The following UTP23 variants were observed in gnomAD, a reference collection of about 807,000 sequenced individuals.
The protein encoded by UTP23 is rRNA-processing protein UTP23 homolog.
A neutral mutation model predicts 19.8 loss-of-function variants in UTP23; 10 were observed. That is an observed-to-expected ratio of 0.50 (90% confidence interval 0.31 to 0.86). The LOEUF (loss-of-function observed/expected upper bound fraction) is 0.86, where lower values mean the gene tolerates loss of function less well. UTP23 is among the 40% of genes least tolerant of loss of function. The probability of loss-of-function intolerance (pLI) is 0.05; values close to 1 mark genes in which losing one functional copy is unlikely to be tolerated. For synonymous variants in UTP23, 108 were observed against 105.4 expected, an observed-to-expected ratio of 1.02 and a Z score of -0.15; for missense variants, 282 against 293.1, an observed-to-expected ratio of 0.96 and a Z score of 0.28.
rs189125081 is a variant in UTP23 at position 116,771,202 on chromosome 8, A to G, written c.364-254A>G. On this transcript the variant is annotated intron_variant, in intron 2 of 2. Transcript: ENST00000309822. The stretch of plus-strand genomic sequence containing the variant: ...ACCCACCTAACACATTTACCTTTGC[A>G]TTAGTTTGTAATTTGTGGCTCTAGA... Among the ~76,000 whole-genome samples, 8 of 152,298 alleles carry G rather than the reference A, an allele frequency of 5.3e-5. No individual in the cohort carries two copies. The East Asian group carries it at 1.2e-3, about 22-fold the overall frequency.
At chr8:116,770,669 A>G (rs971828718) in intron 2 of UTP23, 1 of 204,704 alleles carries the variant, frequency 4.9e-6, no homozygotes, top group Non-Finnish European at 9.9e-6. Context: ...CTGGTCTCGA[A>G]CCCCTAGGCT....
At chr8:116,771,195 C>T (rs935028408) in intron 2 of UTP23, among the ~76,000 whole-genome samples, 3 of 152,170 alleles carry the variant, frequency 2.0e-5, no homozygotes, top group African/African-American at 7.2e-5. Flanking sequence ...AACACATTTA[C>T]CTTTGCATTA....
rs1815667033 is a variant in UTP23, at chr8:116,772,217, T to G, written c.*375T>G. The stretch of plus-strand genomic sequence containing the variant: ...TAAAAACAGTGAATGGGTGTAGGTG[T>G]GATGGAATTCACTTTACTTACTAAA... On this transcript the variant is annotated 3_prime_UTR_variant, in exon 3 of 3. Transcript: ENST00000309822. 1.0e-6 allele frequency: 1 copy of G among 989,760 alleles called. No individual in the cohort carries two copies. The highest frequency in any genetic ancestry group is 1.7e-5 in the African/African-American group (1 of 57,346). The allele number at this position is 989,760 out of a possible 1,614,324, so 61.3% of individuals were successfully genotyped here.
Position 116,770,231 on chromosome 8 carries a change from A to C in UTP23, c.228A>C (p.Leu76Phe). The change falls in exon 2 of 3, where the codon TTA (leucine) becomes TTC (phenylalanine). Residue 76 changes from leucine (L) to phenylalanine (F), a missense_variant. Coordinates refer to ENST00000309822, the MANE Select transcript of UTP23 (RefSeq NM_032334.3). ...LKELETLGKDLYGAKLIAQKC... is the reference protein window; with the variant it reads ...LKELETLGKDFYGAKLIAQKC... Reference sequence around the variant, plus strand: ...AGCTAGAAACATTGGGAAAGGACTTATATGGGGCAAAACTGATTGCACAAA... The same window carrying C: ...AGCTAGAAACATTGGGAAAGGACTTCTATGGGGCAAAACTGATTGCACAAA... 4 of 1,613,732 alleles carry C rather than the reference A, an allele frequency of 2.5e-6. No individual in the cohort carries two copies. Among genetic ancestry groups the C allele is most frequent in the Non-Finnish European group, 3.4e-6 (4 of 1,179,712 alleles).
chr8:116,770,399 C>T, intron 2 of UTP23, 33 bp downstream of exon 2: 1 of 1,567,952 alleles, frequency 6.4e-7, no homozygotes, highest in South Asian at 1.2e-5. Flanking sequence ...AGGCAATTTT[C>T]ACCATTTCTA....
In UTP23 at chr8:116,766,528, T is replaced by C; in HGVS notation, c.-76T>C. ...GCTTCATTTCCGGGTGAAACTGGCA[T>C]TGAGGGTACTGGGGCGTGCGTGAGG... is the stretch of plus-strand genomic sequence containing the variant. On this transcript the variant is annotated 5_prime_UTR_variant, in exon 1 of 3. Coordinates refer to ENST00000309822, the MANE Select transcript of UTP23 (RefSeq NM_032334.3). 6.8e-7 allele frequency: 1 copy of C among 1,461,134 alleles called. No individual in the cohort carries two copies. The highest frequency in any genetic ancestry group is 9.2e-7 in the Non-Finnish European group (1 of 1,091,716). 90.5% of individuals were successfully genotyped at this position (1,461,134 alleles called of 1,614,324 possible).
chr8:116,772,932 G>T lies in UTP23; in HGVS notation c.*1090G>T. On this transcript the variant is annotated 3_prime_UTR_variant, in exon 3 of 3. Transcript: ENST00000309822. ...TCGTATCAGTAGTTCCTGACTGACA[G>T]CTTCTGGAGCCACACTAGAGCAGTG... The T allele has an allele frequency of 1.0e-5, 10 of 985,394 alleles. No individual in the cohort carries two copies. Among genetic ancestry groups the T allele is most frequent in the Non-Finnish European group, 9.6e-6 (8 of 829,912 alleles). The allele number at this position is 985,394 out of a possible 1,614,324, so 61.0% of individuals were successfully genotyped here.
Position 116,771,775 on chromosome 8 carries a change from G to T in UTP23, c.683G>T (p.Arg228Ile), listed in dbSNP as rs200688111. The T allele has an allele frequency of 2.5e-6, 4 of 1,605,412 alleles. No homozygotes were observed. Among genetic ancestry groups the T allele is most frequent in the Non-Finnish European group, 3.4e-6 (4 of 1,178,200 alleles). Residue 228 changes from arginine (R) to isoleucine (I), a missense_variant, in exon 3 of 3, where the codon AGA becomes ATA. By Grantham distance (97) the Arg-to-Ile change is moderately conservative. Transcript: ENST00000309822. ...QSSASEKKRK[R>I]KRIRNRSNPK... The stretch of plus-strand genomic sequence containing the variant: ...TCTGCTTCTGAAAAGAAAAGAAAAA[G>T]AAAAAGAATTCGGAACAGATCTAAC...
chr8:116,767,175 T>C (rs1045366361), intron 1 of UTP23, among the ~76,000 whole-genome samples: 1 of 152,050 alleles, frequency 6.6e-6, no homozygotes, highest in African/African-American at 2.4e-5. Context: ...CTCAAACGAG[T>C]ATAGTGTACT....
In UTP23 at chr8:116,771,927, T is replaced by C. The variant is rs1586506664; in HGVS notation, c.*85T>C. On this transcript the variant is annotated 3_prime_UTR_variant, in exon 3 of 3. Transcript: ENST00000309822. ...TATTTATAATAAAAGACCAAACTTATTTTTGTAAATGAACCCATATGCTTT... is the reference window on the plus strand; with the variant it reads ...TATTTATAATAAAAGACCAAACTTACTTTTGTAAATGAACCCATATGCTTT... The C allele has an allele frequency of 6.8e-7, 1 of 1,475,324 alleles. No homozygotes were observed. The allele number at this position is 1,475,324 out of a possible 1,614,324, so 91.4% of individuals were successfully genotyped here. A position where few individuals can be genotyped will look rare whatever the true frequency, so the allele number is the denominator to read the frequency against.
rs1042275742 is a variant in UTP23, at chr8:116,774,345, A to G, written c.*2503A>G. ...GAACAGCTTTGAAACTAGAGTTTCA[A>G]AGGTAAAAGGATCTCATGTTTCTGA... On this transcript the variant is annotated 3_prime_UTR_variant, in exon 3 of 3. Transcript: ENST00000309822. The G allele has an allele frequency of 5.1e-6, 5 of 985,250 alleles. No individual in the cohort carries two copies. The highest frequency in any genetic ancestry group is 6.2e-5 in the Admixed American group (1 of 16,260). The allele number at this position is 985,250 out of a possible 1,614,324, so 61.0% of individuals were successfully genotyped here.
In UTP23 at chr8:116,771,476, A is replaced by G. The variant is rs1177338934; in HGVS notation, c.384A>G (p.Lys128=). ...VATQDQNLSV[K]VKKKPGVPLM... ...AATAGGATCAGAATTTGTCTGTGAA[A>G]GTAAAAAAGAAGCCTGGAGTTCCTC... The change falls in exon 3 of 3, where the codon AAA becomes AAG. Residue 128 remains lysine, a synonymous_variant. Coordinates refer to ENST00000309822, the MANE Select transcript of UTP23 (RefSeq NM_032334.3). 5 of 1,496,234 alleles carry G rather than the reference A, an allele frequency of 3.3e-6. No individual in the cohort carries two copies. The highest frequency in any genetic ancestry group is 4.4e-6 in the Non-Finnish European group (5 of 1,125,548). The allele number at this position is 1,496,234 out of a possible 1,614,324, so 92.7% of individuals were successfully genotyped here.
rs1014325878 is a variant in UTP23 at position 116,773,395 on chromosome 8, A to G, written c.*1553A>G. 1.1e-5 allele frequency: 11 copies of G among 978,172 alleles called. No homozygotes were observed. The highest frequency in any genetic ancestry group is 1.3e-5 in the Non-Finnish European group (11 of 823,420). 60.6% of individuals were successfully genotyped at this position (978,172 alleles called of 1,614,324 possible). A position where few individuals can be genotyped will look rare whatever the true frequency, so the allele number is the denominator to read the frequency against. ...TAAATTTAGGTATTACTCTTAATCT[A>G]TTTCTACTTAGTCAGTGCTATCTGA... On this transcript the variant is annotated 3_prime_UTR_variant, in exon 3 of 3. Transcript: ENST00000309822.
chr8:116,767,209 T>G (rs764422236), intron 1 of UTP23, among the ~76,000 whole-genome samples: 1 of 152,200 alleles, frequency 6.6e-6, no homozygotes, highest in African/African-American at 2.4e-5. Context: ...GTATCCAAAG[T>G]GTACCCGTCT....
Position 116,771,535 on chromosome 8 carries a change from AC to A in UTP23, c.444del (p.Asp148GlufsTer11), listed in dbSNP as rs1336343682. On this transcript the variant is annotated frameshift_variant, in exon 3 of 3. Transcript: ENST00000309822. LOFTEE classifies it high-confidence loss of function. ...MFIIQNTMVLDKPSPKTIAFV... is the reference protein window; with the variant it reads ...MFIIQNTMVLXKPSPKTIAFV... The stretch of plus-strand genomic sequence containing the variant: ...ATTATTCAGAACACTATGGTTTTGG[AC>A]AAACCTTCTCCCAAAACAATTGCCT... 1 of 1,609,638 alleles carries A rather than the reference AC, an allele frequency of 6.2e-7. No homozygotes were observed. Among genetic ancestry groups the A allele is most frequent in the Non-Finnish European group, 8.5e-7 (1 of 1,178,998 alleles).
chr8:116,773,944 C>T lies in UTP23; in HGVS notation c.*2102C>T. On this transcript the variant is annotated 3_prime_UTR_variant, in exon 3 of 3. Transcript: ENST00000309822. ...ACTTCAGTTTTTTTGTGTGTGAATA[C>T]TATCCCTATACCACTACCCCTAAAA... 1 of 985,188 alleles carries T rather than the reference C, an allele frequency of 1.0e-6. No homozygotes were observed. Among genetic ancestry groups the T allele is most frequent in the Non-Finnish European group, 1.2e-6 (1 of 829,780 alleles). 61.0% of individuals were successfully genotyped at this position (985,188 alleles called of 1,614,324 possible).
At position 116,770,379 on chromosome 8, in the gene UTP23, TTAAAACCACAG is replaced by T. The variant is rs1243916510; in HGVS notation, c.363+14_363+24del. 1 of 1,582,840 alleles carries T rather than the reference TTAAAACCACAG, an allele frequency of 6.3e-7. No homozygotes were observed. The highest frequency in any genetic ancestry group is 1.7e-5 in the Admixed American group (1 of 58,788). ...TGTGGCAACACAGGTGATACTACTTTTAAAACCACAGGCAATTTTCACCATTTCTATTTATA... is the reference window on the plus strand; with the variant it reads ...TGTGGCAACACAGGTGATACTACTTTGCAATTTTCACCATTTCTATTTATA... On this transcript the variant is annotated intron_variant, in intron 2 of 2. Transcript: ENST00000309822.
chr8:116,766,739 C>T lies in UTP23; in HGVS notation c.136C>T (p.Arg46Trp), dbSNP rs1246139261. The T allele has an allele frequency of 6.2e-7, 1 of 1,603,180 alleles. No homozygotes were observed. Among genetic ancestry groups the T allele is most frequent in the Non-Finnish European group, 8.5e-7 (1 of 1,174,762 alleles). The part of the protein sequence containing the change: ...QAALRGRIQL[R>W]EQLPRYLMGE... ...GGCGCTGCGGGGCCGCATCCAGCTG[C>T]GGGAGCAGCTGCCCCGCTACCTCAT... is the stretch of plus-strand genomic sequence containing the variant. The change falls in exon 1 of 3, where the codon CGG (arginine) becomes TGG (tryptophan). Residue 46 changes from arginine (R) to tryptophan (W), a missense_variant. Arg to Trp is a moderately radical substitution (Grantham distance 101). Transcript: ENST00000309822.
Position 116,766,576 on chromosome 8 carries a change from C to G in UTP23, c.-28C>G. 1 of 1,599,984 alleles carries G rather than the reference C, an allele frequency of 6.3e-7. No homozygotes were observed. Among genetic ancestry groups the G allele is most frequent in the Non-Finnish European group, 8.5e-7 (1 of 1,172,168 alleles). On this transcript the variant is annotated 5_prime_UTR_variant, in exon 1 of 3. Transcript: ENST00000309822. ...AGGCGTTTACTGATGCTTCCTGGTC[C>G]GGTGGCCTCGGTCCCGGTAAGCCAG...
Sources: gnomAD v4.1 joint callset for allele counts (sites outside exome capture counted in the v4.1 genomes callset) on GRCh38, gnomAD v4.1.1 for gene constraint, MANE v1.5 for transcripts, NCBI Gene and HGNC (gene_info 2026-07-23, HGNC 2026-07-21) for gene names.